Variants in VPS53 observed in about 807,000 individuals in gnomAD.
VPS53 encodes the protein vacuolar protein sorting-associated protein 53 homolog.
Under a neutral mutation model 107.0 loss-of-function variants are expected in VPS53, and 70 were observed. The ratio of observed to expected loss-of-function variants is 0.65; its 90% CI spans 0.54 to 0.80. The LOEUF (loss-of-function observed/expected upper bound fraction) is 0.80. Among genes scored for constraint, VPS53 ranks in the 30% least tolerant of loss-of-function variants. The pLI is 0.00. For missense variants in VPS53, 917 were observed against 1,049.4 expected, an observed-to-expected ratio of 0.87 and a Z score of 1.74; for synonymous variants, 409 against 393.3, an observed-to-expected ratio of 1.04 and a Z score of -0.47.
chr17:556,597 A>G (rs983034620), intron 15 of VPS53, among the ~76,000 whole-genome samples: 1 of 152,172 alleles, frequency 6.6e-6, no homozygotes, highest in African/African-American at 2.4e-5. Flanking sequence ...CACAGTGTTG[A>G]GAGGTATGAG....
chr17:569,224 T>C (rs1913823919), intron 13 of VPS53, among the ~76,000 whole-genome samples: 1 of 152,126 alleles, frequency 6.6e-6, no homozygotes, highest in South Asian at 2.1e-4. Flanking sequence ...CAGGGACAAT[T>C]TGAGTACTAA....
At chr17:532,645 T>C (rs1167970282) in intron 19 of VPS53, 197 bp downstream of exon 19, 2 of 1,370,048 alleles carry the variant, frequency 1.5e-6, no homozygotes, top group African/African-American at 1.5e-5. Flanking sequence ...ACCCAGAACT[T>C]AGTAGGCGTT....
chr17:606,556 G>A (rs1057395127), intron 11 of VPS53, among the ~76,000 whole-genome samples: 3 of 152,150 alleles, frequency 2.0e-5, no homozygotes, highest in African/African-American at 7.2e-5. Flanking sequence ...TTCCATCCAT[G>A]ACGGGCCACG....
chr17:645,394 T>C (rs948898995), intron 7 of VPS53, among the ~76,000 whole-genome samples: 1 of 152,250 alleles, frequency 6.6e-6, no homozygotes, highest in Admixed American at 6.5e-5. Flanking sequence ...TCTTTATATA[T>C]TCTAGATATT....
intron 2 of VPS53, among the ~76,000 whole-genome samples, chr17:701,889 G>C (rs1228869919): frequency 6.6e-6 from 1 of 151,900 alleles, no homozygotes; most frequent in African/African-American, 2.4e-5. Flanking sequence ...CACTGAGCCT[G>C]GCTAATTTTA....
At chr17:634,459 A>G (rs1196874748) in intron 7 of VPS53, among the ~76,000 whole-genome samples, 1 of 151,830 alleles carries the variant, frequency 6.6e-6, no homozygotes, top group Non-Finnish European at 1.5e-5. Context: ...GGTTCGTTAC[A>G]TATGTATACA....
chr17:589,952 G>A (rs900593773), intron 12 of VPS53, among the ~76,000 whole-genome samples: 3 of 151,932 alleles, frequency 2.0e-5, no homozygotes, highest in East Asian at 1.9e-4. Context: ...CATTGAATCT[G>A]TAAATTACCT....
Position 672,109 on chromosome 17 carries a change from G to GACACACACACACAC in VPS53, c.286-10228_286-10215dup, listed in dbSNP as rs10630363. Among the ~76,000 whole-genome samples the GACACACACACACAC allele has an allele frequency of 5.6e-3, 608 of 108,846 alleles. 2 individuals are homozygous for GACACACACACACAC. The highest frequency in any genetic ancestry group is 0.023 in the East Asian group (83 of 3,668). 71.4% of individuals were successfully genotyped at this position (108,846 alleles called of 152,430 possible). A position where few individuals can be genotyped will look rare whatever the true frequency, so the allele number is the denominator to read the frequency against. On this transcript the variant is annotated intron_variant, in intron 4 of 21. Transcript: ENST00000437048. ...GACTACAGGTAGAGATGATGAGGGT[G>GACACACACACACAC]ACACACACACACACACACACACACA... is the stretch of plus-strand genomic sequence containing the variant.
chr17:709,196 ACGGAACC>A (rs1973538335), intron 2 of VPS53, among the ~76,000 whole-genome samples: 3 of 125,968 alleles, frequency 2.4e-5, no homozygotes, highest in Non-Finnish European at 3.9e-5. Context: ...ACGCTCTGTC[ACGGAACC>A]TGCCTGGTAT....
chr17:532,809 C>T, intron 19 of VPS53, 33 bp downstream of exon 19: 2 of 1,611,556 alleles, frequency 1.2e-6, no homozygotes, highest in Admixed American at 1.7e-5. Flanking sequence ...ACAAAAGCTG[C>T]CAGGCAAATG....
intron 7 of VPS53, among the ~76,000 whole-genome samples, chr17:636,117 C>T (rs1271115560): frequency 4.6e-5 from 7 of 152,140 alleles, no homozygotes; most frequent in African/African-American, 9.7e-5. Flanking sequence ...CTTCACATCC[C>T]TTGTAAGTTG....
At chr17:565,944 C>T (rs1055130820) in intron 13 of VPS53, among the ~76,000 whole-genome samples, 3 of 152,306 alleles carry the variant, frequency 2.0e-5, no homozygotes, top group South Asian at 4.1e-4. Context: ...TGGCTCACGC[C>T]TGTAATCCCA....
intron 14 of VPS53, among the ~76,000 whole-genome samples, chr17:561,755 G>A (rs931370754): frequency 6.6e-6 from 1 of 152,064 alleles, no homozygotes; most frequent in Non-Finnish European, 1.5e-5. Flanking sequence ...TCAGCCTCCC[G>A]AGCAGCCGGG....
chr17:586,395 C>T (rs1311992539), intron 12 of VPS53, 31 bp from the exon 13 acceptor site: 1 of 1,586,840 alleles, frequency 6.3e-7, no homozygotes, highest in South Asian at 1.1e-5. Flanking sequence ...AAACCCCATA[C>T]TTGAGTGATC....
At chr17:568,460 TG>T (rs1913748796) in intron 13 of VPS53, among the ~76,000 whole-genome samples, 1 of 152,036 alleles carries the variant, frequency 6.6e-6, no homozygotes, top group Admixed American at 6.6e-5. Flanking sequence ...TCACCCAGGC[TG>T]GTCTCGAACT....
At chr17:658,142 G>A (rs59059349) in intron 5 of VPS53, among the ~76,000 whole-genome samples, 37 of 118,980 alleles carry the variant, frequency 3.1e-4, no homozygotes, top group South Asian at 2.3e-3. Flanking sequence ...TGAGAAACTC[G>A]GCAGGGAGTT....
At chr17:611,117 G>A (rs545125037) in intron 11 of VPS53, among the ~76,000 whole-genome samples, 1 of 151,978 alleles carries the variant, frequency 6.6e-6, no homozygotes, top group African/African-American at 2.4e-5. Flanking sequence ...GGGTTCAAGC[G>A]ATTCTCCTGC....
At chr17:621,552 A>T (rs1597393053) in intron 11 of VPS53, among the ~76,000 whole-genome samples, 2 of 152,244 alleles carry the variant, frequency 1.3e-5, no homozygotes, top group African/African-American at 4.8e-5. Context: ...TACTAGCCCT[A>T]AAATCCTGTA....
chr17:537,522 C>T lies in VPS53; in HGVS notation c.1867-346G>A, dbSNP rs556146807. 9 of 182,284 alleles carry T rather than the reference C, an allele frequency of 4.9e-5. No individual in the cohort carries two copies. The South Asian group carries it at 6.3e-4, about 13-fold the overall frequency. 11.3% of individuals were successfully genotyped at this position (182,284 alleles called of 1,614,324 possible). ...CCCACAGCAGGGGACTGCAGCAGAA[C>T]GGGGAGGGACACCGACTCCCAAGCT... On this transcript the variant is annotated intron_variant, in intron 17 of 21. Transcript: ENST00000437048.
Sources: allele counts gnomAD v4.1 joint callset (sites outside exome capture counted in the v4.1 genomes callset), GRCh38; gene constraint gnomAD v4.1.1; transcripts MANE v1.5; gene names NCBI Gene and HGNC (gene_info 2026-07-23, HGNC 2026-07-21).